The following TRIML1 variants were observed in gnomAD, a reference collection of about 807,000 sequenced individuals.
The protein encoded by TRIML1 is tripartite motif family like 1.
TRIML1 carries 34 observed loss-of-function variants against 32.3 expected under a neutral mutation model. That is an observed-to-expected ratio of 1.05 (90% CI 0.80 to 1.40). TRIML1 has a LOEUF of 1.40. Ranked by LOEUF, TRIML1 falls within the 40% of genes most tolerant of loss-of-function variation. The pLI, the probability that TRIML1 is intolerant of heterozygous loss-of-function variation, is 0.00. For missense variants in TRIML1, 595 were observed against 574.9 expected, an observed-to-expected ratio of 1.03 and a Z score of -0.36; for synonymous variants, 244 against 226.6, an observed-to-expected ratio of 1.08 and a Z score of -0.69.
intron 2 of TRIML1, 137 bp from the exon 3 acceptor site, chr4:188,142,115 C>CAA (rs34286328): frequency 9.1e-4 from 428 of 470,138 alleles, no homozygotes; most frequent in East Asian, 2.6e-3. Context: ...GACTCCATCT[C>CAA]AAAAAAAAAA....
At chr4:188,137,970 T>C (rs1025473221), upstream of TRIML1, among the ~76,000 whole-genome samples, 20 of 150,034 alleles carry the variant, frequency 1.3e-4, no homozygotes, top group Admixed American at 1.1e-3. Flanking sequence ...AGCAATATTC[T>C]GAAGCTGTGA....
chr4:188,140,519 C>G lies in TRIML1; in HGVS notation c.409-9C>G. The G allele has an allele frequency of 6.2e-7, 1 of 1,606,206 alleles. No homozygotes were observed. The highest frequency in any genetic ancestry group is 8.5e-7 in the Non-Finnish European group (1 of 1,174,600). ...CTCATTTGCCAGAAAGGGTTTGTTT[C>G]TATTGCAGGAGAAACTCCAGGAAAT... On this transcript the variant is annotated splice_polypyrimidine_tract_variant and intron_variant, in intron 1 of 5. Coordinates refer to ENST00000332517, the MANE Select transcript of TRIML1 (RefSeq NM_178556.5).
chr4:188,150,660 A>G (rs1177178117), downstream of TRIML1, among the ~76,000 whole-genome samples: 2 of 151,920 alleles, frequency 1.3e-5, no homozygotes, highest in Non-Finnish European at 2.9e-5. Flanking sequence ...TCTTTGTCCC[A>G]AAGTGGTAGA....
In TRIML1 at chr4:188,140,928, G is replaced by A. The variant is rs897679796; in HGVS notation, c.504+305G>A. ...TACTTATAGACATGTAACATGAGAC[G>A]GAAAGCGATTTTAAAAAGAAATATC... On this transcript the variant is annotated intron_variant, in intron 2 of 5. Transcript: ENST00000332517. 2.5e-5 allele frequency: 5 copies of A among 200,898 alleles called. No individual in the cohort carries two copies. The South Asian group carries it at 5.5e-4, about 22-fold the overall frequency. 12.4% of individuals were successfully genotyped at this position (200,898 alleles called of 1,614,324 possible). A position where few individuals can be genotyped will look rare whatever the true frequency, so the allele number is the denominator to read the frequency against.
At chr4:188,149,595 G>A (rs1015267529), downstream of TRIML1, among the ~76,000 whole-genome samples, 5 of 152,134 alleles carry the variant, frequency 3.3e-5, no homozygotes, top group African/African-American at 9.6e-5. Flanking sequence ...TTGTGTCCTC[G>A]AAGGCAGGGG....
rs1161782036 is a variant in TRIML1, at chr4:188,147,090, G to A, written c.1125G>A (p.Leu375=). The stretch of plus-strand genomic sequence containing the variant: ...ATCTCCCCAAGCCACCTGGGGACCT[G>A]TTCTCACTAATAGGTTTAAAAATCG... The part of the protein sequence containing the change: ...KGNLPKPPGD[L]FSLIGLKIGD... The change falls in exon 6 of 6, where the codon CTG becomes CTA. Residue 375 remains leucine, a synonymous_variant. Coordinates refer to ENST00000332517, the MANE Select transcript of TRIML1 (RefSeq NM_178556.5). 6.2e-7 allele frequency: 1 copy of A among 1,614,018 alleles called. No individual in the cohort carries two copies. Among genetic ancestry groups the A allele is most frequent in the South Asian group, 1.1e-5 (1 of 91,076 alleles).
chr4:188,144,263 C>A, intron 5 of TRIML1, 130 bp downstream of exon 5: 1 of 767,988 alleles, frequency 1.3e-6, no homozygotes, highest in Non-Finnish European at 2.1e-6. Flanking sequence ...CACGGAACAC[C>A]AGGGAGGGCT....
upstream of TRIML1, among the ~76,000 whole-genome samples, chr4:188,137,818 G>C (rs1322902573): frequency 5.3e-5 from 8 of 151,880 alleles, no homozygotes; most frequent in Non-Finnish European, 1.0e-4. Flanking sequence ...TCACCATGTT[G>C]GCCAGGCTGG....
At chr4:188,137,295 CTTTTTTTTTT>C (rs67050879), upstream of TRIML1, among the ~76,000 whole-genome samples, 1 of 58,758 alleles carries the variant, frequency 1.7e-5, no homozygotes, top group African/African-American at 6.4e-5. Flanking sequence ...TTATTGTAGT[CTTTTTTTTTT>C]TTTTTTTTTT....
rs904200407 is a variant in TRIML1 at position 188,140,599 on chromosome 4, G to A, written c.480G>A (p.Glu160=). 2 of 1,613,786 alleles carry A rather than the reference G, an allele frequency of 1.2e-6. No homozygotes were observed. Among genetic ancestry groups the A allele is most frequent in the African/African-American group, 2.7e-5 (2 of 74,902 alleles). ...AAGCTCAGGCTGTACTAACCCATGA[G>A]AAGGAGAGAGTGAAACTGTGCCAGG... ...RKEAQAVLTH[E]KERVKLCQEE... is the part of the protein sequence containing the mutation. Residue 160 remains glutamate, a synonymous_variant, in exon 2 of 6, where the codon GAG becomes GAA. Transcript: ENST00000332517.
intron 5 of TRIML1, among the ~76,000 whole-genome samples, chr4:188,144,564 G>C (rs74447205): frequency 0.24 from 34,349 of 141,174 alleles, 6,212 homozygotes; most frequent in South Asian, 0.41. Flanking sequence ...GGGTTTCACT[G>C]TGTTAGCCAG....
rs902302006 is a variant in TRIML1 at position 188,142,632 on chromosome 4, A to G, written c.735+150A>G. 10 of 605,682 alleles carry G rather than the reference A, an allele frequency of 1.7e-5. No homozygotes were observed. In the African/African-American group the frequency reaches 1.7e-4, roughly 10 times the overall value. The allele number at this position is 605,682 out of a possible 1,614,324, so 37.5% of individuals were successfully genotyped here. A position where few individuals can be genotyped will look rare whatever the true frequency, so the allele number is the denominator to read the frequency against. On this transcript the variant is annotated intron_variant, in intron 3 of 5. Coordinates refer to ENST00000332517, the MANE Select transcript of TRIML1 (RefSeq NM_178556.5). The stretch of plus-strand genomic sequence containing the variant: ...TAAAGAATTGACATTCTATATGTCA[A>G]TAAAGCCTTATAGAAGAGAGAGAGA...
rs61461219 is a variant in TRIML1, at chr4:188,142,207, C to CGTGTGTGTGT, written c.505-18_505-9dup. ...GGCATTTCTCTTACTAACTTTATCT[C>CGTGTGTGTGT]GTGTGTGTGTGTGTGTGTGTGTGTG... On this transcript the variant is annotated intron_variant, in intron 2 of 5. Coordinates refer to ENST00000332517, the MANE Select transcript of TRIML1 (RefSeq NM_178556.5). 3,574 of 1,014,242 alleles carry CGTGTGTGTGT rather than the reference C, an allele frequency of 3.5e-3. 73 individuals are homozygous for CGTGTGTGTGT. In the African/African-American group the frequency reaches 0.048, roughly 14 times the overall value. The allele number at this position is 1,014,242 out of a possible 1,614,324, so 62.8% of individuals were successfully genotyped here.
intron 2 of TRIML1, among the ~76,000 whole-genome samples, chr4:188,141,680 CCT>C (rs1285326801): frequency 2.6e-5 from 4 of 152,122 alleles, no homozygotes; most frequent in Non-Finnish European, 4.4e-5. Flanking sequence ...AGAACGACCG[CCT>C]CCTGGGAATG....
At chr4:188,140,460 G>A in intron 1 of TRIML1, 68 bp from the exon 2 acceptor site, 1 of 1,276,518 alleles carries the variant, frequency 7.8e-7, no homozygotes, top group Non-Finnish European at 1.1e-6. Context: ...CGCAGTTACT[G>A]GTCTTCAAAG....
chr4:188,142,007 C>T (rs191716895), intron 2 of TRIML1, among the ~76,000 whole-genome samples: 11 of 151,576 alleles, frequency 7.3e-5, no homozygotes, highest in Non-Finnish European at 1.5e-4. Context: ...GTCCCAGCTA[C>T]TCAGGAGGCT....
At position 188,144,082 on chromosome 4, in the gene TRIML1, C is replaced by A. The variant is rs1035060628; in HGVS notation, c.805C>A (p.Leu269Met). 6.2e-7 allele frequency: 1 copy of A among 1,614,106 alleles called. No homozygotes were observed. Among genetic ancestry groups the A allele is most frequent in the Non-Finnish European group, 8.5e-7 (1 of 1,180,036 alleles). Reference sequence around the variant, plus strand: ...GTGTCCAGAGGCCACCACCACAGAGCTGAGTCTGTGCCGCATCACGGGAAT... The same window carrying A: ...GTGTCCAGAGGCCACCACCACAGAGATGAGTCTGTGCCGCATCACGGGAAT... The part of the protein sequence containing the change: ...LQCPEATTTE[L>M]SLCRITGMKE... Residue 269 changes from leucine to methionine, a missense_variant, in exon 5 of 6, where the codon CTG becomes ATG. Physicochemically the swap from Leu to Met is conservative, Grantham distance 15. Transcript: ENST00000332517.
intron 2 of TRIML1, chr4:188,140,934 C>T (rs1322172305): frequency 3.2e-5 from 6 of 186,824 alleles, no homozygotes; most frequent in African/African-American, 4.7e-5. Context: ...AGACGGAAAG[C>T]GATTTTAAAA....
rs768850064 is a variant in TRIML1 at position 188,145,127 on chromosome 4, T to C, written c.856+994T>C. 6.7e-4 allele frequency among the ~76,000 whole-genome samples: 102 copies of C among 152,066 alleles called. 1 individual carries two copies. The highest frequency in any genetic ancestry group is 1.2e-3 in the Non-Finnish European group (81 of 67,988). On this transcript the variant is annotated intron_variant, in intron 5 of 5. Coordinates refer to ENST00000332517, the MANE Select transcript of TRIML1 (RefSeq NM_178556.5). ...ATTAGTTATGGTGGGATCTGGTCTA[T>C]AAATAAAAGTATGAAATGGTATGAT...
Sources: gnomAD v4.1 joint callset for allele counts (sites outside exome capture counted in the v4.1 genomes callset) on GRCh38, gnomAD v4.1.1 for gene constraint, MANE v1.5 for transcripts, NCBI Gene and HGNC (gene_info 2026-07-23, HGNC 2026-07-21) for gene names.